IL4: variants seen among roughly 807,000 people sequenced by gnomAD.
IL4 encodes interleukin 4.
In IL4, 10 loss-of-function variants were observed where a neutral mutation model predicts 17.4. The ratio of observed to expected loss-of-function variants is 0.57; its 90% confidence interval spans 0.35 to 0.97. IL4 has a LOEUF of 0.97. IL4 is among the 50% of genes least tolerant of loss of function. The pLI, the probability that IL4 is intolerant of heterozygous loss-of-function variation, is 0.01. For missense variants in IL4, 174 were observed against 187.7 expected, an observed-to-expected ratio of 0.93 and a Z score of 0.43; for synonymous variants, 87 against 79.0, an observed-to-expected ratio of 1.10 and a Z score of -0.54.
At chr5:132,678,811 G>A (rs1051656531) in intron 2 of IL4, among the ~76,000 whole-genome samples, 1 of 152,170 alleles carries the variant, frequency 6.6e-6, no homozygotes, top group Non-Finnish European at 1.5e-5. Flanking sequence ...GTTCTTCAGT[G>A]AAAAATGAGA....
intron 2 of IL4, among the ~76,000 whole-genome samples, 185 bp from the exon 3 acceptor site, chr5:132,679,529 T>G (rs954803205): frequency 4.6e-5 from 7 of 152,186 alleles, no homozygotes; most frequent in Non-Finnish European, 2.9e-5. Context: ...TGGGAGAGGT[T>G]GTTGACAGAG....
At chr5:132,674,288 G>GT (rs1362363493) in intron 1 of IL4, 103 bp downstream of exon 1, 1 of 1,425,958 alleles carries the variant, frequency 7.0e-7, no homozygotes, top group African/African-American at 1.4e-5. Context: ...GGAACTGGTG[G>GT]TTGGTGGCAG....
chr5:132,675,895 A>ATGTG (rs755014233), intron 2 of IL4, among the ~76,000 whole-genome samples: 2 of 96,604 alleles, frequency 2.1e-5, no homozygotes, highest in African/African-American at 6.2e-5. Context: ...GTGTGTGTGT[A>ATGTG]TATATATGTG....
chr5:132,681,221 G>T lies in IL4; in HGVS notation c.361-1265G>T, dbSNP rs117001879. Among the ~76,000 whole-genome samples, 29 of 152,300 alleles carry T rather than the reference G, an allele frequency of 1.9e-4. No homozygotes were observed. The East Asian group carries it at 5.2e-3, about 27-fold the overall frequency. Reference sequence around the variant, plus strand: ...TCAACACATGGAGGTCAGGAGAGGAGGATCCAGCCAAGGGGCCTGAGGAGG... The same window carrying T: ...TCAACACATGGAGGTCAGGAGAGGATGATCCAGCCAAGGGGCCTGAGGAGG... On this transcript the variant is annotated intron_variant, in intron 3 of 3. Transcript: ENST00000231449.
chr5:132,675,954 T>G (rs900557518), intron 2 of IL4, among the ~76,000 whole-genome samples: 29 of 151,368 alleles, frequency 1.9e-4, no homozygotes, highest in Non-Finnish European at 3.7e-4. Context: ...TGTGTGTGTG[T>G]GTATAAAATC....
In IL4 at chr5:132,680,988, TCAG is replaced by T. The variant is rs1752477325; in HGVS notation, c.360+1102_360+1104del. Among the ~76,000 whole-genome samples the T allele has an allele frequency of 6.6e-6, 1 of 152,192 alleles. No individual in the cohort carries two copies. Among genetic ancestry groups the T allele is most frequent in the Admixed American group, 6.5e-5 (1 of 15,282 alleles). On this transcript the variant is annotated intron_variant, in intron 3 of 3. Transcript: ENST00000231449. The surrounding 1 kb of genome is among the most constrained non-coding windows in gnomAD (Gnocchi z 4.3). ...CTGGCGGCAAGGCAGGGCTGGAGGT[TCAG>T]CAGAAGATCAAGAGTTCAATTTTGT... is the stretch of plus-strand genomic sequence containing the variant.
intron 2 of IL4, among the ~76,000 whole-genome samples, chr5:132,678,366 T>A (rs1355686246): frequency 6.6e-6 from 1 of 152,226 alleles, no homozygotes; most frequent in Non-Finnish European, 1.5e-5. Context: ...GACCCCTATT[T>A]TAAAAAGTAT....
chr5:132,679,164 T>C (rs1451039760), intron 2 of IL4, among the ~76,000 whole-genome samples: 2 of 152,126 alleles, frequency 1.3e-5, no homozygotes, highest in South Asian at 2.1e-4. Flanking sequence ...TCCTCTCCCA[T>C]GGGGAGAGCC....
intron 1 of IL4, 95 bp from the exon 2 acceptor site, chr5:132,674,364 T>C (rs938727918): frequency 3.2e-5 from 45 of 1,402,952 alleles, no homozygotes; most frequent in Non-Finnish European, 4.3e-5. Context: ...GGAAGTTTCC[T>C]CAGTTGGAGG....
chr5:132,677,809 A>T (rs1192179048), intron 2 of IL4: 1 of 152,216 alleles, frequency 6.6e-6, no homozygotes, highest in Non-Finnish European at 1.5e-5. Flanking sequence ...ACCTCCAGAC[A>T]CACAGGCACC....
chr5:132,675,929 ATGTGTG>A lies in IL4; in HGVS notation c.183+1445_183+1450del, dbSNP rs2234664. Reference sequence around the variant, plus strand: ...TGTGTATGTATATATGTGTATGTATATGTGTGTGTGTGTGTGTGTGTGTGTGTATAA... The same window carrying A: ...TGTGTATGTATATATGTGTATGTATATGTGTGTGTGTGTGTGTGTGTATAA... On this transcript the variant is annotated intron_variant, in intron 2 of 3. Coordinates refer to ENST00000231449, the MANE Select transcript of IL4 (RefSeq NM_000589.4). Among the ~76,000 whole-genome samples, 811 of 141,050 alleles carry A rather than the reference ATGTGTG, an allele frequency of 5.7e-3. 2 individuals carry two copies. The highest frequency in any genetic ancestry group is 0.02 in the African/African-American group (723 of 36,740). 92.5% of individuals were successfully genotyped at this position (141,050 alleles called of 152,430 possible).
chr5:132,677,469 G>C (rs888276503), intron 2 of IL4, among the ~76,000 whole-genome samples: 1 of 152,138 alleles, frequency 6.6e-6, no homozygotes, highest in Non-Finnish European at 1.5e-5. Context: ...TCGCCCCCTC[G>C]CTGCGATACC....
rs1320292576 is a variant in IL4 at position 132,682,594 on chromosome 5, T to C, written c.*7T>C. The C allele has an allele frequency of 6.8e-7, 1 of 1,470,946 alleles. No homozygotes were observed. The highest frequency in any genetic ancestry group is 1.2e-5 in the South Asian group (1 of 83,432). 91.1% of individuals were successfully genotyped at this position (1,470,946 alleles called of 1,614,324 possible). On this transcript the variant is annotated 3_prime_UTR_variant, in exon 4 of 4. Transcript: ENST00000231449. ...TTCAAAGTGTTCGAGCTGAATATTT[T>C]AATTTATGAGTTTTTGATAGCTTTA...
intron 3 of IL4, among the ~76,000 whole-genome samples, chr5:132,682,238 G>A (rs557029240): frequency 4.7e-5 from 7 of 147,956 alleles, no homozygotes; most frequent in Middle Eastern, 3.4e-3. Flanking sequence ...ACTCCCCCCC[G>A]CGCCACCCAC....
Position 132,675,849 on chromosome 5 carries a change from A to ATGTGTGTGTGTG in IL4, c.183+1361_183+1372dup, listed in dbSNP as rs58175446. On this transcript the variant is annotated intron_variant, in intron 2 of 3. Transcript: ENST00000231449. ...AGCCACTGCACCTGGGCAACAGTTT[A>ATGTGTGTGTGTG]TGTGTGTGTGTGTGTGTGTGTGTGT... Among the ~76,000 whole-genome samples the ATGTGTGTGTGTG allele has an allele frequency of 2.1e-3, 300 of 145,026 alleles. 4 individuals are homozygous for ATGTGTGTGTGTG. Among genetic ancestry groups the ATGTGTGTGTGTG allele is most frequent in the East Asian group, 0.012 (60 of 4,842 alleles).
chr5:132,679,678 C>T, intron 2 of IL4, 36 bp from the exon 3 acceptor site: 1 of 1,564,176 alleles, frequency 6.4e-7, no homozygotes, highest in Non-Finnish European at 8.7e-7. Flanking sequence ...CCAAATGGAG[C>T]TGGCACATTG....
In IL4 at chr5:132,679,877, G is replaced by C; in HGVS notation, c.347G>C (p.Gly116Ala). 1.9e-6 allele frequency: 3 copies of C among 1,612,334 alleles called. No homozygotes were observed. The highest frequency in any genetic ancestry group is 2.5e-6 in the Non-Finnish European group (3 of 1,179,342). The change falls in exon 3 of 4, where the codon GGC (glycine) becomes GCC (alanine). Residue 116 changes from glycine (G) to alanine (A), a missense_variant. Transcript: ENST00000231449. ...FLKRLDRNLW[G>A]LAGLNSCPVK... is the part of the protein sequence containing the mutation. ...AAACGGCTCGACAGGAACCTCTGGGGCCTGGCGGGCTTGGTAAGCTGCACT... is the reference window on the plus strand; with the variant it reads ...AAACGGCTCGACAGGAACCTCTGGGCCCTGGCGGGCTTGGTAAGCTGCACT...
chr5:132,675,575 G>T (rs1301600756), intron 2 of IL4, among the ~76,000 whole-genome samples: 1 of 150,966 alleles, frequency 6.6e-6, no homozygotes, highest in Non-Finnish European at 1.5e-5. Context: ...TTGAGATAGG[G>T]TCTTGTTCTG....
chr5:132,681,788 C>G (rs1442412114), intron 3 of IL4, among the ~76,000 whole-genome samples: 1 of 152,136 alleles, frequency 6.6e-6, no homozygotes, highest in Non-Finnish European at 1.5e-5. Context: ...TATCCCCTCT[C>G]TGGGCCTATC....
Sources: allele counts gnomAD v4.1 joint callset (sites outside exome capture counted in the v4.1 genomes callset), GRCh38; gene constraint gnomAD v4.1.1; non-coding constraint Gnocchi (gnomAD v3.1); transcripts MANE v1.5; gene names NCBI Gene and HGNC (gene_info 2026-07-23, HGNC 2026-07-21).